Variants in MAN2B2 observed in about 807,000 individuals in gnomAD.
MAN2B2 encodes mannosidase alpha class 2B member 2.
Under a neutral mutation model 117.1 loss-of-function variants are expected in MAN2B2, and 106 were observed. The observed-to-expected ratio is 0.90, with a 90% confidence interval of 0.77 to 1.06. The LOEUF (loss-of-function observed/expected upper bound fraction) is 1.06, where lower values mean the gene tolerates loss of function less well. Ranked by LOEUF, MAN2B2 falls within the 50% of genes least tolerant of loss-of-function variation. The pLI is 0.00. For synonymous variants in MAN2B2, 544 were observed against 595.1 expected, an observed-to-expected ratio of 0.91 and a Z score of 1.25; for missense variants, 1,326 against 1,381.4, an observed-to-expected ratio of 0.96 and a Z score of 0.64.
Position 6,611,100 on chromosome 4 carries a change from G to T in MAN2B2, c.2385G>T (p.Arg795=), listed in dbSNP as rs1711530461. 3 of 1,613,412 alleles carry T rather than the reference G, an allele frequency of 1.9e-6. No homozygotes were observed. The highest frequency in any genetic ancestry group is 2.5e-6 in the Non-Finnish European group (3 of 1,179,614). The part of the protein sequence containing the change: ...GNGQVEVMLH[R]RLWNNFDWDL... ...CCTTCCCGCAGGTCATGCTCCACCG[G>T]CGGCTGTGGAACAACTTCGACTGGG... Residue 795 remains arginine (R), a synonymous_variant, in exon 15 of 19, where the codon CGG becomes CGT. Transcript: ENST00000285599.
intron 7 of MAN2B2, among the ~76,000 whole-genome samples, chr4:6,596,102 T>C (rs915289597): frequency 2.7e-5 from 4 of 149,762 alleles, no homozygotes; most frequent in African/African-American, 9.8e-5. Flanking sequence ...TCAAGTTGGG[T>C]GTGGCTCTGT....
At chr4:6,589,711 G>C (rs1560642883) in intron 5 of MAN2B2, among the ~76,000 whole-genome samples, 1 of 152,164 alleles carries the variant, frequency 6.6e-6, no homozygotes, top group African/African-American at 2.4e-5. Context: ...GGGGAGGCAG[G>C]ATTTGACTCC....
At chr4:6,602,792 T>C (rs1224259592) in intron 10 of MAN2B2, among the ~76,000 whole-genome samples, 3 of 151,276 alleles carry the variant, frequency 2.0e-5, no homozygotes, top group African/African-American at 4.9e-5. Flanking sequence ...CACCTCAGTC[T>C]CCTGAGTAGC....
intron 3 of MAN2B2, among the ~76,000 whole-genome samples, chr4:6,585,854 C>T (rs1484955556): frequency 6.6e-6 from 1 of 152,166 alleles, no homozygotes; most frequent in South Asian, 2.1e-4. Flanking sequence ...AGCTGGCCCC[C>T]AGAGCAGCGA....
intron 12 of MAN2B2, 64 bp downstream of exon 12, chr4:6,609,362 A>C: frequency 3.3e-6 from 5 of 1,506,500 alleles, no homozygotes; most frequent in Non-Finnish European, 4.5e-6. Flanking sequence ...CAGGCAGCTC[A>C]GTGAATGAGG....
intron 16 of MAN2B2, among the ~76,000 whole-genome samples, chr4:6,617,049 T>A (rs1291658193): frequency 6.6e-6 from 1 of 152,134 alleles, no homozygotes; most frequent in Non-Finnish European, 1.5e-5. Flanking sequence ...CAAAGTCACG[T>A]CTTACATGGT....
intron 11 of MAN2B2, among the ~76,000 whole-genome samples, 182 bp downstream of exon 11, chr4:6,605,511 G>C (rs951194093): frequency 4.6e-5 from 7 of 152,058 alleles, no homozygotes; most frequent in Non-Finnish European, 2.9e-5. Context: ...TGCAGGAAAG[G>C]CTTTCTTATA....
chr4:6,610,366 A>C (rs531746897), intron 13 of MAN2B2, among the ~76,000 whole-genome samples: 3 of 152,298 alleles, frequency 2.0e-5, no homozygotes, highest in African/African-American at 7.2e-5. Flanking sequence ...AATGATGGCC[A>C]GGCTGGTCTT....
intron 9 of MAN2B2, among the ~76,000 whole-genome samples, chr4:6,600,161 A>G (rs11929809): frequency 0.41 from 62,385 of 151,942 alleles, 13,378 homozygotes; most frequent in East Asian, 0.64. Flanking sequence ...CATCACAGGG[A>G]CCTAAAATGC....
chr4:6,575,893 A>G (rs1191732095), intron 1 of MAN2B2, among the ~76,000 whole-genome samples: 1 of 152,176 alleles, frequency 6.6e-6, no homozygotes, highest in Admixed American at 6.5e-5. Context: ...CACTACAGCC[A>G]GTTTCCAGAG....
At chr4:6,579,497 C>T (rs1216804875) in intron 3 of MAN2B2, among the ~76,000 whole-genome samples, 3 of 149,594 alleles carry the variant, frequency 2.0e-5, no homozygotes, top group Non-Finnish European at 4.4e-5. Context: ...CTACCATCAC[C>T]ACCACCATCA....
At chr4:6,594,817 C>T (rs531992332) in intron 7 of MAN2B2, 85 bp downstream of exon 7, 43 of 1,393,598 alleles carry the variant, frequency 3.1e-5, no homozygotes, top group South Asian at 3.8e-5. Flanking sequence ...AGTGGCTGCT[C>T]GGCACTGCTC....
At chr4:6,581,530 G>T (rs200496067) in intron 3 of MAN2B2, among the ~76,000 whole-genome samples, 2 of 152,036 alleles carry the variant, frequency 1.3e-5, no homozygotes, top group East Asian at 1.9e-4. Flanking sequence ...AGGCATTCTG[G>T]CTGTGAATTA....
chr4:6,575,217 C>T lies in MAN2B2; in HGVS notation c.7C>T (p.Gln3Ter), dbSNP rs1465684731. Residue 3 changes from glutamine to a stop codon, truncating the protein, a stop_gained, in exon 1 of 19, where the codon CAG becomes TAG. Coordinates refer to ENST00000285599, the MANE Select transcript of MAN2B2 (RefSeq NM_015274.3). LOFTEE classifies it high-confidence loss of function. The stretch of plus-strand genomic sequence containing the variant: ...TTCCCGGCCTGCCGCAGGGATGGGG[C>T]AGCTGTGCTGGCTGCCGCTGCTGGC... MG[Q>*]LCWLPLLAPL... The T allele has an allele frequency of 6.7e-7, 1 of 1,490,414 alleles. No individual in the cohort carries two copies. Among genetic ancestry groups the T allele is most frequent in the Admixed American group, 2.0e-5 (1 of 51,022 alleles). 92.3% of individuals were successfully genotyped at this position (1,490,414 alleles called of 1,614,324 possible). A position where few individuals can be genotyped will look rare whatever the true frequency, so the allele number is the denominator to read the frequency against.
Position 6,619,834 on chromosome 4 carries a change from G to A in MAN2B2, c.2815-93G>A. 9 of 1,133,006 alleles carry A rather than the reference G, an allele frequency of 7.9e-6. 1 individual carries two copies. In the South Asian group the frequency reaches 1.2e-4, roughly 15 times the overall value. The allele number at this position is 1,133,006 out of a possible 1,614,324, so 70.2% of individuals were successfully genotyped here. A position where few individuals can be genotyped will look rare whatever the true frequency, so the allele number is the denominator to read the frequency against. On this transcript the variant is annotated intron_variant, in intron 17 of 18. Coordinates refer to ENST00000285599, the MANE Select transcript of MAN2B2 (RefSeq NM_015274.3). ...GGACCTGGGCTCCTGAGGACACCGA[G>A]TTCGTGGTGTGTCTGCCCTGCTGCT...
rs114250777 is a variant in MAN2B2 at position 6,583,691 on chromosome 4, G to A, written c.392-3305G>A. 6.3e-3 allele frequency among the ~76,000 whole-genome samples: 963 copies of A among 152,366 alleles called. 8 individuals are homozygous for A. Among genetic ancestry groups the A allele is most frequent in the Non-Finnish European group, 0.011 (762 of 68,032 alleles). On this transcript the variant is annotated intron_variant, in intron 3 of 18. Coordinates refer to ENST00000285599, the MANE Select transcript of MAN2B2 (RefSeq NM_015274.3). ...TGAGGCATGTTTCAGAGCAGAAGTG[G>A]AAGTTTATTTAAAAAGGCTTTAAAA...
chr4:6,579,243 C>CCA (rs1560634777), intron 3 of MAN2B2, among the ~76,000 whole-genome samples: 9 of 11,200 alleles, frequency 8.0e-4, no homozygotes, highest in Non-Finnish European at 1.6e-3. Flanking sequence ...ACCACCACCA[C>CCA]CCTTCACCAC....
intron 5 of MAN2B2, among the ~76,000 whole-genome samples, 173 bp from the exon 6 acceptor site, chr4:6,593,000 G>A (rs1402511768): frequency 2.6e-5 from 4 of 152,352 alleles, no homozygotes; most frequent in East Asian, 3.9e-4. Context: ...GTTGGCCTGC[G>A]TGAATGAGCA....
intron 12 of MAN2B2, 127 bp downstream of exon 12, chr4:6,609,425 G>T (rs888453817): frequency 1.0e-4 from 94 of 916,392 alleles, no homozygotes; most frequent in Non-Finnish European, 1.5e-4. Context: ...CACGTGGTCT[G>T]ATGAAGAAAT....
Sources: allele counts gnomAD v4.1 joint callset (sites outside exome capture counted in the v4.1 genomes callset), GRCh38; gene constraint gnomAD v4.1.1; transcripts MANE v1.5; gene names NCBI Gene and HGNC (gene_info 2026-07-23, HGNC 2026-07-21).